BARD1: variants seen among roughly 807,000 people sequenced by gnomAD.
The protein encoded by BARD1 is BRCA1 associated RING domain 1.
BARD1 carries 73 observed loss-of-function variants against 77.0 expected under a neutral mutation model. The observed-to-expected ratio is 0.95, with a 90% confidence interval of 0.79 to 1.15. BARD1 has a LOEUF of 1.15. Ranked by LOEUF, BARD1 falls within the 50% of genes most tolerant of loss-of-function variation. BARD1 has a pLI of 0.00. For synonymous variants in BARD1, 384 were observed against 338.0 expected, an observed-to-expected ratio of 1.14 and a Z score of -1.49; for missense variants, 993 against 938.8, an observed-to-expected ratio of 1.06 and a Z score of -0.75.
intron 1 of BARD1, among the ~76,000 whole-genome samples, chr2:214,801,609 C>T (rs1696023221): frequency 6.6e-6 from 1 of 152,156 alleles, no homozygotes; most frequent in Non-Finnish European, 1.5e-5. Flanking sequence ...TATTATTAGC[C>T]TATGTCCATC....
intron 9 of BARD1, among the ~76,000 whole-genome samples, chr2:214,733,185 C>T (rs558245040): frequency 6.6e-6 from 1 of 152,304 alleles, no homozygotes; most frequent in East Asian, 1.9e-4. Flanking sequence ...CTTCGGCGCT[C>T]TTCCTATATC....
intron 1 of BARD1, among the ~76,000 whole-genome samples, chr2:214,799,169 T>C (rs951797223): frequency 6.6e-6 from 1 of 152,056 alleles, no homozygotes; most frequent in African/African-American, 2.4e-5. Context: ...GGCATGGTAG[T>C]GCACGCCTGT....
chr2:214,761,764 T>C, intron 6 of BARD1, among the ~76,000 whole-genome samples: 1 of 152,190 alleles, frequency 6.6e-6, no homozygotes, highest in Non-Finnish European at 1.5e-5. Flanking sequence ...AGAACATTAA[T>C]CTTTGTATTT....
At chr2:214,755,387 T>C (rs1693647840) in intron 6 of BARD1, among the ~76,000 whole-genome samples, 1 of 152,136 alleles carries the variant, frequency 6.6e-6, no homozygotes, top group Non-Finnish European at 1.5e-5. Flanking sequence ...ATATAGTAAA[T>C]TCTCTCTTTT....
At chr2:214,731,174 C>T in intron 9 of BARD1, 1 of 213,662 alleles carries the variant, frequency 4.7e-6, no homozygotes, top group Non-Finnish European at 9.7e-6. Flanking sequence ...TTGAGTAAGT[C>T]TGTTCACAGC....
chr2:214,759,967 C>T (rs1017330740), intron 6 of BARD1, among the ~76,000 whole-genome samples: 3 of 152,184 alleles, frequency 2.0e-5, no homozygotes, highest in African/African-American at 4.8e-5. Context: ...CTTTTAAATT[C>T]ACTTGGCTTT....
intron 4 of BARD1, among the ~76,000 whole-genome samples, chr2:214,775,746 CAAT>C (rs1404416183): frequency 1.3e-5 from 2 of 152,106 alleles, no homozygotes; most frequent in Non-Finnish European, 2.9e-5. Context: ...GTCAATGGCA[CAAT>C]AAGTTACTGG....
At chr2:214,773,846 T>C (rs1180301559) in intron 4 of BARD1, among the ~76,000 whole-genome samples, 4 of 152,214 alleles carry the variant, frequency 2.6e-5, no homozygotes, top group Non-Finnish European at 4.4e-5. Context: ...GATTTATCTG[T>C]AGCATGTGAC....
At chr2:214,743,805 C>T (rs542832785) in intron 9 of BARD1, among the ~76,000 whole-genome samples, 25 of 152,224 alleles carry the variant, frequency 1.6e-4, no homozygotes, top group African/African-American at 6.0e-4. Flanking sequence ...GCTGGTCTGC[C>T]TGCCTCGGTC....
Position 214,745,729 on chromosome 2 carries a change from G to A in BARD1, c.1803C>T (p.Asp601=). ...AAAATTCAAAATCCTCACCTGTACT[G>A]TCAAACTCAGTATATTTTTTAGCCT... ...ILKAKKYTEF[D]STVTHVVVPG... is the part of the protein sequence containing the mutation. Residue 601 remains aspartate (D), a synonymous_variant, in exon 8 of 11, where the codon GAC becomes GAT. Coordinates refer to ENST00000260947, the MANE Select transcript of BARD1 (RefSeq NM_000465.4). The A allele has an allele frequency of 6.2e-7, 1 of 1,613,906 alleles. No individual in the cohort carries two copies.
chr2:214,770,495 G>A lies in BARD1; in HGVS notation c.1315-1183C>T, dbSNP rs537334428. 2.0e-5 allele frequency among the ~76,000 whole-genome samples: 3 copies of A among 152,302 alleles called. No homozygotes were observed. In the South Asian group the frequency reaches 6.2e-4, roughly 32 times the overall value. ...ATCACAACCTCTTTTTAAATCAGATGAGCAAGATCCGGGGAATAAGTGAAT... is the reference window on the plus strand; with the variant it reads ...ATCACAACCTCTTTTTAAATCAGATAAGCAAGATCCGGGGAATAAGTGAAT... On this transcript the variant is annotated intron_variant, in intron 4 of 10. Transcript: ENST00000260947.
At chr2:214,803,386 G>A (rs1696118272) in intron 1 of BARD1, among the ~76,000 whole-genome samples, 1 of 152,190 alleles carries the variant, frequency 6.6e-6, no homozygotes, top group Non-Finnish European at 1.5e-5. Context: ...TCTGTCTCCT[G>A]CCCGTCCCTG....
At chr2:214,774,211 T>C (rs79629346) in intron 4 of BARD1, among the ~76,000 whole-genome samples, 7,945 of 152,266 alleles carry the variant, frequency 0.052, 230 homozygotes, top group Admixed American at 0.083. Flanking sequence ...ATGAAAACTG[T>C]AATCAACTCT....
intron 7 of BARD1, among the ~76,000 whole-genome samples, chr2:214,750,283 T>G (rs148432534): frequency 6.4e-4 from 97 of 152,180 alleles, no homozygotes; most frequent in Middle Eastern, 3.4e-3. Flanking sequence ...CTCTTCCTAC[T>G]CCCAGCTAGC....
chr2:214,779,902 T>C (rs901696906), intron 4 of BARD1, among the ~76,000 whole-genome samples: 2 of 152,230 alleles, frequency 1.3e-5, no homozygotes, highest in African/African-American at 4.8e-5. Context: ...CATGTAGTGT[T>C]TGTGTCAGTT....
chr2:214,745,602 C>T, intron 8 of BARD1, 120 bp downstream of exon 8: 1 of 1,259,744 alleles, frequency 7.9e-7, no homozygotes, highest in South Asian at 1.2e-5. Flanking sequence ...TTACAAGATG[C>T]AAAGTATACA....
intron 10 of BARD1, among the ~76,000 whole-genome samples, chr2:214,729,716 T>TA (rs901919195): frequency 6.6e-6 from 1 of 152,208 alleles, no homozygotes; most frequent in African/African-American, 2.4e-5. Context: ...ACTCCTAGCT[T>TA]ATTTGAAATA....
chr2:214,741,253 G>C (rs952648094), intron 9 of BARD1, among the ~76,000 whole-genome samples: 1 of 152,050 alleles, frequency 6.6e-6, no homozygotes, highest in Non-Finnish European at 1.5e-5. Context: ...TTTAAACTTA[G>C]ATGAGAGTGG....
intron 3 of BARD1, among the ~76,000 whole-genome samples, chr2:214,784,286 T>C (rs1351712443): frequency 1.3e-5 from 2 of 151,986 alleles, no homozygotes; most frequent in African/African-American, 4.8e-5. Context: ...AAAAAGCTCA[T>C]CATCATCATT....
Sources: gnomAD v4.1 joint callset for allele counts (sites outside exome capture counted in the v4.1 genomes callset) on GRCh38, gnomAD v4.1.1 for gene constraint, MANE v1.5 for transcripts, NCBI Gene and HGNC (gene_info 2026-07-23, HGNC 2026-07-21) for gene names.